Variants in SHISA9 observed in about 807,000 individuals in gnomAD.
SHISA9 encodes the protein shisa family member 9, also known as protein shisa-9.
A neutral mutation model predicts 38.0 loss-of-function variants in SHISA9; 13 were observed. The observed-to-expected ratio is 0.34, with a 90% CI of 0.22 to 0.54. SHISA9 has a LOEUF of 0.54. SHISA9 is among the 20% of genes least tolerant of loss of function. The probability of loss-of-function intolerance (pLI) is 0.91; values close to 1 mark genes in which losing one functional copy is unlikely to be tolerated. For synonymous variants in SHISA9, 275 were observed against 242.0 expected (o/e 1.14, Z -1.27); for missense variants, 538 against 575.8 (o/e 0.93, Z 0.67).
chr16:13,553,285 T>A, the SHISA9 span, among the ~76,000 whole-genome samples: 1 of 152,232 alleles, frequency 6.6e-6, no homozygotes. Context: ...ATTACTTGAC[T>A]AAGATGACAC....
At chr16:13,209,193 T>C (rs774479215) in intron 3 of SHISA9, among the ~76,000 whole-genome samples, 26 of 152,156 alleles carry the variant, frequency 1.7e-4, no homozygotes, top group Middle Eastern at 3.2e-3. Flanking sequence ...CTGCAGCATA[T>C]TAAAGACCCA....
chr16:13,463,147 G>A, the SHISA9 span, among the ~76,000 whole-genome samples: 3 of 152,100 alleles, frequency 2.0e-5, no homozygotes, highest in Non-Finnish European at 4.4e-5. Context: ...GTGACAGAGT[G>A]AGACCCTGTC....
chr16:13,058,329 G>A (rs2073333891), intron 2 of SHISA9, among the ~76,000 whole-genome samples: 1 of 152,118 alleles, frequency 6.6e-6, no homozygotes, highest in South Asian at 2.1e-4. Flanking sequence ...AGCATTGGCT[G>A]AAATTGGGAC....
chr16:13,236,865 C>T lies in SHISA9; in HGVS notation c.*1456C>T, dbSNP rs2051390084. Reference sequence around the variant, plus strand: ...TCCCTCCAAATTACCTCCCCACATACTTCATGTGTTCATCTCCCATCCAGA... The same window carrying T: ...TCCCTCCAAATTACCTCCCCACATATTTCATGTGTTCATCTCCCATCCAGA... On this transcript the variant is annotated 3_prime_UTR_variant, in exon 5 of 5. Transcript: ENST00000558583. 1 of 152,202 alleles carries T rather than the reference C, an allele frequency of 6.6e-6. No homozygotes were observed. Among genetic ancestry groups the T allele is most frequent in the Non-Finnish European group, 1.5e-5 (1 of 68,042 alleles). 9.4% of individuals were successfully genotyped at this position (152,202 alleles called of 1,614,324 possible).
the SHISA9 span, among the ~76,000 whole-genome samples, chr16:13,525,290 T>G: frequency 4.6e-5 from 7 of 152,252 alleles, no homozygotes; most frequent in Middle Eastern, 0.01. Context: ...AGAGATAGTG[T>G]GAATGAATCG....
chr16:13,325,683 TAAGATGC>T, the SHISA9 span, among the ~76,000 whole-genome samples: 1 of 152,122 alleles, frequency 6.6e-6, no homozygotes, highest in Admixed American at 6.5e-5. Flanking sequence ...GTTGATAATC[TAAGATGC>T]AATCCTTACG....
intron 2 of SHISA9, among the ~76,000 whole-genome samples, chr16:13,030,873 C>T (rs1174699002): frequency 1.3e-5 from 2 of 152,166 alleles, no homozygotes; most frequent in East Asian, 1.9e-4. Context: ...ATGGCCAAAA[C>T]GTGTGCGTCA....
At chr16:13,188,809 T>TGTTACAATA (rs1396927328) in intron 2 of SHISA9, among the ~76,000 whole-genome samples, 8 of 149,982 alleles carry the variant, frequency 5.3e-5, no homozygotes, top group African/African-American at 2.0e-4. Flanking sequence ...GGAAAAGGAA[T>TGTTACAATA]GTTACAATAT....
chr16:13,523,861 G>A, the SHISA9 span, among the ~76,000 whole-genome samples: 45,096 of 152,098 alleles, frequency 0.3, 7,160 homozygotes, highest in East Asian at 0.53. Flanking sequence ...AGCAGATGGC[G>A]AACGATTTCC....
intron 2 of SHISA9, among the ~76,000 whole-genome samples, chr16:12,926,978 G>T (rs2071400418): frequency 6.6e-6 from 1 of 152,160 alleles, no homozygotes; most frequent in African/African-American, 2.4e-5. Flanking sequence ...AGAATGCCAG[G>T]TCGGCCATGG....
intron 2 of SHISA9, among the ~76,000 whole-genome samples, chr16:13,140,179 C>T (rs1027919450): frequency 2.6e-5 from 3 of 116,758 alleles, no homozygotes; most frequent in African/African-American, 9.7e-5. Flanking sequence ...CCCTCCCCTT[C>T]CCTTCCCTTT....
intron 1 of SHISA9, among the ~76,000 whole-genome samples, chr16:12,904,777 C>T (rs917571964): frequency 6.6e-6 from 1 of 152,152 alleles, no homozygotes; most frequent in African/African-American, 2.4e-5. Context: ...TGTAGTATTA[C>T]CTAGAATGTT....
At chr16:13,165,072 A>T (rs1374691817) in intron 2 of SHISA9, among the ~76,000 whole-genome samples, 2 of 151,910 alleles carry the variant, frequency 1.3e-5, no homozygotes, top group Non-Finnish European at 2.9e-5. Context: ...AGTTTTCTCC[A>T]TGTTTCTTGT....
chr16:13,256,356 A>G, the SHISA9 span, among the ~76,000 whole-genome samples: 1 of 152,176 alleles, frequency 6.6e-6, no homozygotes, highest in African/African-American at 2.4e-5. Context: ...ACCTCGGCTC[A>G]CCGCAACCTC....
At chr16:13,477,948 G>C in the SHISA9 span, among the ~76,000 whole-genome samples, 1 of 152,300 alleles carries the variant, frequency 6.6e-6, no homozygotes, top group African/African-American at 2.4e-5. Flanking sequence ...CTGGGAAACA[G>C]AGCGAGACTC....
chr16:13,467,869 A>G, the SHISA9 span, among the ~76,000 whole-genome samples: 5 of 152,224 alleles, frequency 3.3e-5, no homozygotes, highest in African/African-American at 7.2e-5. Context: ...CTGTGGTTAA[A>G]AAGTGGAAAC....
At chr16:13,527,320 T>G in the SHISA9 span, among the ~76,000 whole-genome samples, 3 of 152,176 alleles carry the variant, frequency 2.0e-5, no homozygotes. Context: ...TCTACAAGGT[T>G]CTAGTGGGAG....
At chr16:12,913,893 G>C (rs944586122) in intron 1 of SHISA9, among the ~76,000 whole-genome samples, 1 of 151,920 alleles carries the variant, frequency 6.6e-6, no homozygotes, top group Non-Finnish European at 1.5e-5. Flanking sequence ...AACACATCTC[G>C]TGTGTCCATT....
chr16:13,524,607 G>A, the SHISA9 span, among the ~76,000 whole-genome samples: 1 of 152,200 alleles, frequency 6.6e-6, no homozygotes, highest in African/African-American at 2.4e-5. Context: ...CACCCAGACT[G>A]GAGTGTAGTG....
Sources: gnomAD v4.1 joint callset for allele counts (sites outside exome capture counted in the v4.1 genomes callset) on GRCh38, gnomAD v4.1.1 for gene constraint, MANE v1.5 for transcripts, NCBI Gene and HGNC (gene_info 2026-07-23, HGNC 2026-07-21) for gene names.